The following ZBTB7C variants were observed in gnomAD, a reference collection of about 807,000 sequenced individuals.
The protein encoded by ZBTB7C is zinc finger and BTB domain-containing protein 7C.
In ZBTB7C, 8 loss-of-function variants were observed where a neutral mutation model predicts 25.7. That is an observed-to-expected ratio of 0.31 (90% CI 0.18 to 0.56). The LOEUF is 0.56. ZBTB7C is among the 20% of genes least tolerant of loss of function. The probability of loss-of-function intolerance (pLI) is 0.91; values close to 1 mark genes in which losing one functional copy is unlikely to be tolerated. For synonymous variants in ZBTB7C, 394 were observed against 369.0 expected (o/e 1.07, Z -0.78); for missense variants, 824 against 855.2 (o/e 0.96, Z 0.46).
chr18:48,053,929 C>T (rs1196213880), intron 3 of ZBTB7C, among the ~76,000 whole-genome samples: 3 of 152,176 alleles, frequency 2.0e-5, no homozygotes, highest in Non-Finnish European at 4.4e-5. Flanking sequence ...GGATGTGGGG[C>T]AGGGGAAGGA....
intron 2 of ZBTB7C, among the ~76,000 whole-genome samples, chr18:48,235,783 C>A (rs2043363866): frequency 6.6e-6 from 1 of 152,174 alleles, no homozygotes; most frequent in Non-Finnish European, 1.5e-5. Context: ...AAAGTTGCTG[C>A]TGAGAAGTCA....
At chr18:48,080,872 C>T (rs2037955958) in intron 3 of ZBTB7C, among the ~76,000 whole-genome samples, 1 of 152,230 alleles carries the variant, frequency 6.6e-6, no homozygotes, top group Non-Finnish European at 1.5e-5. Context: ...CCCTCTGCCC[C>T]TGCCACTGTA....
intron 4 of ZBTB7C, among the ~76,000 whole-genome samples, chr18:48,033,725 A>G (rs893550166): frequency 2.6e-5 from 4 of 152,192 alleles, no homozygotes; most frequent in African/African-American, 9.7e-5. Context: ...CACTGATCTA[A>G]TTACTTCCAA....
At chr18:48,132,173 G>A (rs1318969943) in intron 3 of ZBTB7C, among the ~76,000 whole-genome samples, 2 of 152,112 alleles carry the variant, frequency 1.3e-5, no homozygotes, top group Non-Finnish European at 2.9e-5. Flanking sequence ...TACCCATTAT[G>A]GGTAAATATA....
At chr18:48,058,458 G>T (rs2037002105) in intron 3 of ZBTB7C, among the ~76,000 whole-genome samples, 1 of 152,214 alleles carries the variant, frequency 6.6e-6, no homozygotes, top group Non-Finnish European at 1.5e-5. Flanking sequence ...AACTGCCTCT[G>T]AACAGTCCAT....
At chr18:48,213,795 C>T (rs79068040) in intron 2 of ZBTB7C, among the ~76,000 whole-genome samples, 5,579 of 152,246 alleles carry the variant, frequency 0.037, 150 homozygotes, top group African/African-American at 0.071. Flanking sequence ...TGGGAATGGG[C>T]ACTAAGAAGA....
chr18:48,222,485 G>A (rs953457701), intron 2 of ZBTB7C, among the ~76,000 whole-genome samples: 3 of 151,954 alleles, frequency 2.0e-5, no homozygotes, highest in East Asian at 1.9e-4. Context: ...TTTCAAAAGC[G>A]TTTCAATTCT....
At chr18:48,122,739 A>T (rs2039672663) in intron 3 of ZBTB7C, among the ~76,000 whole-genome samples, 1 of 152,166 alleles carries the variant, frequency 6.6e-6, no homozygotes, top group Non-Finnish European at 1.5e-5. Context: ...GGCTTCCGGG[A>T]TTCTTGTCCT....
chr18:48,100,781 G>C (rs73956403), intron 3 of ZBTB7C, among the ~76,000 whole-genome samples: 4,821 of 152,234 alleles, frequency 0.032, 243 homozygotes, highest in African/African-American at 0.11. Flanking sequence ...GAATGGGGGA[G>C]GGGGAGGCAG....
chr18:48,203,162 G>T (rs1265983674), intron 2 of ZBTB7C, among the ~76,000 whole-genome samples: 2 of 152,050 alleles, frequency 1.3e-5, no homozygotes, highest in Non-Finnish European at 2.9e-5. Flanking sequence ...TTCTGCCCGG[G>T]GCCTCACTCA....
At chr18:48,277,333 G>A (rs1009578967) in intron 2 of ZBTB7C, among the ~76,000 whole-genome samples, 13 of 148,652 alleles carry the variant, frequency 8.7e-5, no homozygotes, top group South Asian at 2.2e-4. Context: ...AAAAGTGGGC[G>A]AAGGACATGA....
chr18:48,283,372 T>C (rs948848979), intron 2 of ZBTB7C, among the ~76,000 whole-genome samples: 2 of 152,236 alleles, frequency 1.3e-5, no homozygotes, highest in African/African-American at 4.8e-5. Context: ...TTTCTGTTTT[T>C]TTCCAAATTC....
At chr18:48,190,684 G>A (rs72924006) in intron 2 of ZBTB7C, among the ~76,000 whole-genome samples, 6,440 of 152,284 alleles carry the variant, frequency 0.042, 202 homozygotes, top group Non-Finnish European at 0.063. Context: ...ATGAAACAGC[G>A]ACTGTGGGCT....
intron 2 of ZBTB7C, among the ~76,000 whole-genome samples, chr18:48,267,116 G>A (rs2044338546): frequency 6.6e-6 from 1 of 152,194 alleles, no homozygotes; most frequent in South Asian, 2.1e-4. Context: ...ATTAGCTTCT[G>A]CTGTAGGTCA....
At chr18:48,295,088 G>GC (rs1210538744) in intron 2 of ZBTB7C, among the ~76,000 whole-genome samples, 6 of 152,064 alleles carry the variant, frequency 3.9e-5, no homozygotes, top group Admixed American at 3.9e-4. Context: ...CTTTCTGACT[G>GC]CACTTGCCTG....
chr18:48,213,476 C>T (rs906100791), intron 2 of ZBTB7C, among the ~76,000 whole-genome samples: 2 of 152,214 alleles, frequency 1.3e-5, no homozygotes, highest in African/African-American at 4.8e-5. Context: ...TCAATGGTTT[C>T]TCCTGTGCGT....
intron 3 of ZBTB7C, among the ~76,000 whole-genome samples, chr18:48,059,373 G>T (rs1030524424): frequency 1.4e-4 from 21 of 152,168 alleles, no homozygotes; most frequent in Non-Finnish European, 2.2e-4. Context: ...TAACTAAAAG[G>T]CTCCAGCACA....
At chr18:48,142,078 T>G (rs2040366350) in intron 3 of ZBTB7C, among the ~76,000 whole-genome samples, 2 of 152,296 alleles carry the variant, frequency 1.3e-5, no homozygotes, top group Admixed American at 1.3e-4. Flanking sequence ...TACCCAAATC[T>G]GTTAGTTGCC....
At chr18:48,095,041 G>A (rs114793987) in intron 3 of ZBTB7C, among the ~76,000 whole-genome samples, 101 of 152,250 alleles carry the variant, frequency 6.6e-4, no homozygotes, top group African/African-American at 2.2e-3. Context: ...TCACTCTGGG[G>A]CAGCTGAATT....
Sources: allele counts gnomAD v4.1 joint callset (sites outside exome capture counted in the v4.1 genomes callset), GRCh38; gene constraint gnomAD v4.1.1; transcripts MANE v1.5; gene names NCBI Gene and HGNC (gene_info 2026-07-23, HGNC 2026-07-21).